Variants in ATXN1 observed in about 807,000 individuals in gnomAD.
The protein encoded by ATXN1 is ataxin 1.
A neutral mutation model predicts 56.4 loss-of-function variants in ATXN1; 8 were observed. The observed-to-expected ratio is 0.14, with a 90% confidence interval of 0.08 to 0.26. ATXN1 has a LOEUF of 0.26. Among genes scored for constraint, ATXN1 ranks in the 10% least tolerant of loss-of-function variants. ATXN1 has a pLI of 1.00. For missense variants in ATXN1, 987 were observed against 1,106.5 expected (o/e 0.89, Z 1.53); for synonymous variants, 514 against 494.6 (o/e 1.04, Z -0.52).
chr6:16,549,743 C>T (rs550523075), intron 4 of ATXN1, among the ~76,000 whole-genome samples: 2 of 151,898 alleles, frequency 1.3e-5, no homozygotes, highest in South Asian at 4.2e-4. Context: ...ACTAAAAATG[C>T]AAAATTAGCA....
chr6:16,396,861 T>C (rs1434786955), intron 6 of ATXN1, among the ~76,000 whole-genome samples: 1 of 152,264 alleles, frequency 6.6e-6, no homozygotes, highest in African/African-American at 2.4e-5. Context: ...AACATTGTGT[T>C]ACAAGTGCCT....
At chr6:16,532,607 C>T (rs562403069) in intron 4 of ATXN1, among the ~76,000 whole-genome samples, 36 of 152,208 alleles carry the variant, frequency 2.4e-4, no homozygotes, top group East Asian at 3.9e-4. Flanking sequence ...ATTAAGCACA[C>T]GAAAAGACAC....
chr6:16,631,035 C>T (rs536675766), intron 3 of ATXN1, among the ~76,000 whole-genome samples: 69 of 152,262 alleles, frequency 4.5e-4, no homozygotes, highest in Admixed American at 1.2e-3. Context: ...ATCACCTATG[C>T]TCTTTGTTGA....
chr6:16,525,183 G>C (rs2113699454), intron 4 of ATXN1, among the ~76,000 whole-genome samples: 1 of 152,256 alleles, frequency 6.6e-6, no homozygotes, highest in Non-Finnish European at 1.5e-5. Context: ...ATACTCAAAA[G>C]AAAGGAAATC....
At chr6:16,495,064 T>G (rs1234786004) in intron 5 of ATXN1, among the ~76,000 whole-genome samples, 1 of 152,138 alleles carries the variant, frequency 6.6e-6, no homozygotes, top group Non-Finnish European at 1.5e-5. Context: ...TTGGTGAAAA[T>G]GGGGAAGGCT....
intron 4 of ATXN1, among the ~76,000 whole-genome samples, chr6:16,538,891 G>T (rs1001265969): frequency 9.2e-5 from 14 of 152,124 alleles, no homozygotes; most frequent in Non-Finnish European, 2.1e-4. Flanking sequence ...TCACCATGTT[G>T]TCCAGGATGG....
chr6:16,550,430 C>A (rs1417856051), intron 4 of ATXN1, among the ~76,000 whole-genome samples: 2 of 152,140 alleles, frequency 1.3e-5, no homozygotes, highest in Non-Finnish European at 2.9e-5. Context: ...GAGAGGGTAT[C>A]CTAGAAAAGG....
In ATXN1 at chr6:16,689,047, C is replaced by CTGTG. The variant is rs149330723; in HGVS notation, c.-614-31150_-614-31147dup. ...ATATGCAGATGTGTATATGTGTACT[C>CTGTG]TGTGTGTGTGTATGTGTGTGTGTGT... On this transcript the variant is annotated intron_variant, in intron 2 of 7. Coordinates refer to ENST00000436367, the MANE Select transcript of ATXN1 (RefSeq NM_001128164.2). 4.8e-3 allele frequency among the ~76,000 whole-genome samples: 730 copies of CTGTG among 151,516 alleles called. 4 individuals carry two copies. Among genetic ancestry groups the CTGTG allele is most frequent in the African/African-American group, 0.016 (647 of 41,186 alleles).
intron 6 of ATXN1, among the ~76,000 whole-genome samples, chr6:16,358,585 G>A (rs1411015990): frequency 1.3e-5 from 2 of 152,244 alleles, no homozygotes; most frequent in Non-Finnish European, 2.9e-5. Flanking sequence ...GGCAGTGGCT[G>A]CTGCCATCAA....
chr6:16,374,449 A>T (rs1246905910), intron 6 of ATXN1, among the ~76,000 whole-genome samples: 1 of 152,258 alleles, frequency 6.6e-6, no homozygotes, highest in African/African-American at 2.4e-5. Context: ...AATGCCGTAT[A>T]TAACAAGTTC....
chr6:16,494,000 T>G (rs1757682660), intron 5 of ATXN1, among the ~76,000 whole-genome samples: 1 of 152,096 alleles, frequency 6.6e-6, no homozygotes, highest in Non-Finnish European at 1.5e-5. Flanking sequence ...CCCAGCAGGG[T>G]GCAGAGCCCT....
intron 6 of ATXN1, among the ~76,000 whole-genome samples, chr6:16,386,450 T>TA (rs1053335570): frequency 3.5e-4 from 53 of 152,366 alleles, no homozygotes; most frequent in African/African-American, 1.2e-3. Context: ...GCTGAGAACT[T>TA]AAACTTTTGC....
intron 2 of ATXN1, among the ~76,000 whole-genome samples, chr6:16,683,734 C>T (rs1298022602): frequency 2.0e-5 from 3 of 152,192 alleles, no homozygotes; most frequent in African/African-American, 2.4e-5. Flanking sequence ...CAACTAGTGC[C>T]GGAGGGTTAA....
At chr6:16,529,644 T>A (rs1000860038) in intron 4 of ATXN1, among the ~76,000 whole-genome samples, 1 of 152,220 alleles carries the variant, frequency 6.6e-6, no homozygotes, top group Non-Finnish European at 1.5e-5. Context: ...TTTATCCAAC[T>A]TTTTTCATTT....
chr6:16,637,777 G>A (rs1174683182), intron 3 of ATXN1, among the ~76,000 whole-genome samples: 3 of 152,316 alleles, frequency 2.0e-5, no homozygotes, highest in African/African-American at 7.2e-5. Flanking sequence ...CAGGCAAATC[G>A]CAAGTTGTTG....
intron 5 of ATXN1, among the ~76,000 whole-genome samples, chr6:16,507,982 G>C (rs1761011588): frequency 6.6e-6 from 1 of 152,154 alleles, no homozygotes; most frequent in Non-Finnish European, 1.5e-5. Flanking sequence ...TTAATAATAT[G>C]GTTTAGGATA....
intron 6 of ATXN1, chr6:16,485,195 C>T (rs188046003): frequency 6.6e-6 from 1 of 152,252 alleles, no homozygotes; most frequent in African/African-American, 2.4e-5. Flanking sequence ...TGGTCAAAAT[C>T]TCCTAACTGT....
intron 6 of ATXN1, among the ~76,000 whole-genome samples, chr6:16,461,360 C>T (rs1199183906): frequency 1.3e-5 from 2 of 152,236 alleles, no homozygotes; most frequent in African/African-American, 4.8e-5. Flanking sequence ...AAACTTTTCA[C>T]ATGGGTTTGA....
At chr6:16,515,789 A>C (rs1198350764) in intron 5 of ATXN1, among the ~76,000 whole-genome samples, 1 of 152,208 alleles carries the variant, frequency 6.6e-6, no homozygotes, top group Non-Finnish European at 1.5e-5. Context: ...CCCCAGATGA[A>C]AGATGAAAGC....
Sources: gnomAD v4.1 joint callset for allele counts (sites outside exome capture counted in the v4.1 genomes callset) on GRCh38, gnomAD v4.1.1 for gene constraint, MANE v1.5 for transcripts, NCBI Gene and HGNC (gene_info 2026-07-23, HGNC 2026-07-21) for gene names.